The following AKAP8 variants were observed in gnomAD, a reference collection of about 807,000 sequenced individuals.
The protein encoded by AKAP8 is A-kinase anchoring protein 8.
Under a neutral mutation model 67.5 loss-of-function variants are expected in AKAP8, and 24 were observed. That is an observed-to-expected ratio of 0.36 (90% confidence interval 0.26 to 0.50). The LOEUF (loss-of-function observed/expected upper bound fraction) is 0.50. Ranked by LOEUF, AKAP8 falls within the 20% of genes least tolerant of loss-of-function variation. The pLI, the probability that AKAP8 is intolerant of heterozygous loss-of-function variation, is 0.97. For missense variants in AKAP8, 971 were observed against 955.9 expected (o/e 1.02, Z -0.21); for synonymous variants, 400 against 371.1 (o/e 1.08, Z -0.90).
rs199550070 is a variant in AKAP8, at chr19:15,373,144, G to A, written c.568C>T (p.Arg190Trp). Residue 190 changes from arginine (R) to tryptophan (W), a missense_variant, in exon 5 of 14, where the codon CGG (arginine) becomes TGG (tryptophan). Coordinates refer to ENST00000269701, the MANE Select transcript of AKAP8 (RefSeq NM_005858.4). The part of the protein sequence containing the change: ...RGSLDGFMRG[R>W]GQGRFQDRSN... ...CGGTCCTGGAAGCGGCCCTGGCCCC[G>A]GCCCCGCATGAAGCCATCAAGGGAG... 41 of 1,613,184 alleles carry A rather than the reference G, an allele frequency of 2.5e-5. No homozygotes were observed. Among genetic ancestry groups the A allele is most frequent in the Admixed American group, 1.0e-4 (6 of 59,998 alleles).
rs190721887 is a variant in AKAP8 at position 15,369,209 on chromosome 19, G to C, written c.1073-887C>G. ...TGCTGTTTAATAGCAAAGTCATCCC[G>C]GGTAGGTAGCAGGACCTGCGCGCAA... is the stretch of plus-strand genomic sequence containing the variant. On this transcript the variant is annotated intron_variant, in intron 8 of 13. Coordinates refer to ENST00000269701, the MANE Select transcript of AKAP8 (RefSeq NM_005858.4). This position sits in a 1 kb window ranked among gnomAD's most constrained non-coding sequence, Gnocchi z 4.6. 2 of 985,528 alleles carry C rather than the reference G, an allele frequency of 2.0e-6. No homozygotes were observed. The highest frequency in any genetic ancestry group is 2.3e-4 in the East Asian group (2 of 8,808). 61.0% of individuals were successfully genotyped at this position (985,528 alleles called of 1,614,324 possible). A position where few individuals can be genotyped will look rare whatever the true frequency, so the allele number is the denominator to read the frequency against.
intron 5 of AKAP8, 119 bp downstream of exon 5, chr19:15,372,732 A>G: frequency 3.0e-6 from 4 of 1,325,406 alleles, no homozygotes; most frequent in Non-Finnish European, 2.9e-6. Context: ...AAATTAACTA[A>G]AAGTCGAACT....
At chr19:15,377,350 T>C (rs906926966) in intron 1 of AKAP8, among the ~76,000 whole-genome samples, 2 of 151,876 alleles carry the variant, frequency 1.3e-5, no homozygotes, top group South Asian at 4.2e-4. Flanking sequence ...GAGGACACGT[T>C]CCCCCACCCA....
At chr19:15,365,795 C>T (rs951661763) in intron 9 of AKAP8, among the ~76,000 whole-genome samples, 1 of 151,984 alleles carries the variant, frequency 6.6e-6, no homozygotes, top group African/African-American at 2.4e-5. Flanking sequence ...GACCAAGGTG[C>T]GTGGATCACC....
chr19:15,354,074 C>T lies in AKAP8; in HGVS notation c.*841G>A, dbSNP rs1164360950. 1 of 151,668 alleles carries T rather than the reference C, an allele frequency of 6.6e-6. No homozygotes were observed. The highest frequency in any genetic ancestry group is 6.6e-5 in the Admixed American group (1 of 15,152). The allele number at this position is 151,668 out of a possible 1,614,324, so 9.4% of individuals were successfully genotyped here. On this transcript the variant is annotated 3_prime_UTR_variant, in exon 14 of 14. Transcript: ENST00000269701. ...ATGTTGTCCAGGTTGGTCTTGAACTCCTGGGCTTAAGCTATCCTCTCACCA... is the reference window on the plus strand; with the variant it reads ...ATGTTGTCCAGGTTGGTCTTGAACTTCTGGGCTTAAGCTATCCTCTCACCA...
chr19:15,361,969 A>T, intron 10 of AKAP8, 141 bp downstream of exon 10: 1 of 1,355,618 alleles, frequency 7.4e-7, no homozygotes, highest in Non-Finnish European at 1.0e-6. Flanking sequence ...TGTCCCTGTG[A>T]CTCAGGGACT....
Position 15,359,076 on chromosome 19 carries a change from C to A in AKAP8, c.1528-14G>T, listed in dbSNP as rs1966921723. On this transcript the variant is annotated splice_polypyrimidine_tract_variant and intron_variant, in intron 12 of 13. Transcript: ENST00000269701. ...TTCAGCAGCCAACTGCAAAGGGAAC[C>A]AAATGTGAGCTCTTAAAAATGGCAA... 1 of 1,608,742 alleles carries A rather than the reference C, an allele frequency of 6.2e-7. No homozygotes were observed. Among genetic ancestry groups the A allele is most frequent in the Non-Finnish European group, 8.5e-7 (1 of 1,175,422 alleles).
At chr19:15,373,475 G>A in intron 4 of AKAP8, 135 bp from the exon 5 acceptor site, 3 of 1,293,224 alleles carry the variant, frequency 2.3e-6, no homozygotes, top group South Asian at 1.6e-5. Flanking sequence ...GTGCTGGGAT[G>A]ACCAAAACTG....
Position 15,354,819 on chromosome 19 carries a change from T to G in AKAP8, c.*96A>C. 2.8e-6 allele frequency: 4 copies of G among 1,416,760 alleles called. No homozygotes were observed. Among genetic ancestry groups the G allele is most frequent in the Non-Finnish European group, 3.9e-6 (4 of 1,037,424 alleles). The allele number at this position is 1,416,760 out of a possible 1,614,324, so 87.8% of individuals were successfully genotyped here. On this transcript the variant is annotated 3_prime_UTR_variant, in exon 14 of 14. Coordinates refer to ENST00000269701, the MANE Select transcript of AKAP8 (RefSeq NM_005858.4). ...TCACCAAAATTAGATTACAGCATATTCTGGGAGCACACGCCCTTGTACTGC... is the reference window on the plus strand; with the variant it reads ...TCACCAAAATTAGATTACAGCATATGCTGGGAGCACACGCCCTTGTACTGC...
intron 13 of AKAP8, 77 bp from the exon 14 acceptor site, chr19:15,355,447 T>C: frequency 2.9e-6 from 4 of 1,379,168 alleles, no homozygotes; most frequent in Non-Finnish European, 3.0e-6. Context: ...ATGTCAGCTT[T>C]TCAGAACCAG....
At chr19:15,368,850 T>C (rs1967110173) in intron 8 of AKAP8, 2 of 985,120 alleles carry the variant, frequency 2.0e-6, no homozygotes, top group South Asian at 4.7e-5. Flanking sequence ...CCGACCTCTA[T>C]CTTCCACTCA....
intron 9 of AKAP8, among the ~76,000 whole-genome samples, chr19:15,367,601 A>T (rs908991770): frequency 1.3e-5 from 2 of 152,222 alleles, no homozygotes; most frequent in Non-Finnish European, 2.9e-5. Flanking sequence ...GCATCACATG[A>T]TCACTGGTGA....
intron 5 of AKAP8, 31 bp downstream of exon 5, chr19:15,372,820 G>A: frequency 6.8e-7 from 1 of 1,480,120 alleles, no homozygotes; most frequent in Non-Finnish European, 8.9e-7. Context: ...GAGAAGCGAA[G>A]GCGGCCGGAA....
intron 1 of AKAP8, chr19:15,379,418 A>G (rs957663031): frequency 4.4e-5 from 17 of 384,282 alleles, no homozygotes; most frequent in African/African-American, 3.4e-4. Context: ...GGTGAGGGGC[A>G]AAAACGGCCC....
intron 9 of AKAP8, among the ~76,000 whole-genome samples, chr19:15,366,086 CT>C (rs375441663): frequency 1.8e-4 from 17 of 92,198 alleles, no homozygotes; most frequent in Admixed American, 3.2e-4. Flanking sequence ...CTGAAGGTTT[CT>C]TTTTTTTTTT....
intron 12 of AKAP8, among the ~76,000 whole-genome samples, chr19:15,359,821 C>G (rs1966936381): frequency 6.6e-6 from 1 of 152,102 alleles, no homozygotes; most frequent in Admixed American, 6.6e-5. Flanking sequence ...TGTTTGTATA[C>G]TGCTTTTCAG....
intron 9 of AKAP8, among the ~76,000 whole-genome samples, chr19:15,363,432 G>C (rs1472183619): frequency 1.3e-5 from 2 of 149,178 alleles, no homozygotes; most frequent in African/African-American, 4.9e-5. Flanking sequence ...GCCCCTACTG[G>C]GAAGTGAGGA....
chr19:15,361,464 C>G, intron 11 of AKAP8: 1 of 357,182 alleles, frequency 2.8e-6, no homozygotes. Context: ...CATTCTCCTG[C>G]CTCAGCCTCC....
At chr19:15,364,631 G>A (rs763883782) in intron 9 of AKAP8, among the ~76,000 whole-genome samples, 7 of 151,862 alleles carry the variant, frequency 4.6e-5, no homozygotes, top group East Asian at 3.9e-4. Flanking sequence ...TTAAAGGCGT[G>A]AGCCACCGCG....
Sources: allele counts gnomAD v4.1 joint callset (sites outside exome capture counted in the v4.1 genomes callset), GRCh38; gene constraint gnomAD v4.1.1; non-coding constraint Gnocchi (gnomAD v3.1); transcripts MANE v1.5; gene names NCBI Gene and HGNC (gene_info 2026-07-23, HGNC 2026-07-21).